ATP6V1C2: variants seen among roughly 807,000 people sequenced by gnomAD.
ATP6V1C2 encodes ATPase H+ transporting V1 subunit C2.
In ATP6V1C2, 45 loss-of-function variants were observed where a neutral mutation model predicts 56.8. The ratio of observed to expected loss-of-function variants is 0.79; its 90% CI spans 0.62 to 1.02. The LOEUF (loss-of-function observed/expected upper bound fraction) is 1.02. Ranked by LOEUF, ATP6V1C2 falls within the 50% of genes least tolerant of loss-of-function variation. ATP6V1C2 has a pLI of 0.00. For missense variants in ATP6V1C2, 463 were observed against 519.7 expected, an observed-to-expected ratio of 0.89 and a Z score of 1.06; for synonymous variants, 220 against 201.3, an observed-to-expected ratio of 1.09 and a Z score of -0.79.
chr2:10,761,713 T>G (rs1203055402), intron 4 of ATP6V1C2, among the ~76,000 whole-genome samples: 1 of 152,212 alleles, frequency 6.6e-6, no homozygotes, highest in African/African-American at 2.4e-5. Flanking sequence ...GGTGCCTGTA[T>G]GAGGACAGGG....
At chr2:10,774,125 G>T (rs1664805795) in intron 8 of ATP6V1C2, among the ~76,000 whole-genome samples, 1 of 152,258 alleles carries the variant, frequency 6.6e-6, no homozygotes, top group Non-Finnish European at 1.5e-5. Flanking sequence ...AGCCTGCACA[G>T]ATGACTCTGG....
intron 13 of ATP6V1C2, 78 bp from the exon 14 acceptor site, chr2:10,783,096 C>A: frequency 3.6e-6 from 4 of 1,123,446 alleles, no homozygotes; most frequent in Non-Finnish European, 5.4e-6. Context: ...CAGTGCCTGG[C>A]GAGCTTCCTC....
Position 10,726,584 on chromosome 2 carries a change from AT to A in ATP6V1C2, c.197+18del. On this transcript the variant is annotated intron_variant, in intron 3 of 13. Coordinates refer to ENST00000272238, the MANE Select transcript of ATP6V1C2 (RefSeq NM_001039362.2). Reference sequence around the variant, plus strand: ...TTTGCTGAAAGGTAAAATATTCCTTATTTACTACATACAAGTGAGAATTTGA... The same window carrying A: ...TTTGCTGAAAGGTAAAATATTCCTTATTACTACATACAAGTGAGAATTTGA... 2 of 1,597,988 alleles carry A rather than the reference AT, an allele frequency of 1.3e-6. No individual in the cohort carries two copies. Among genetic ancestry groups the A allele is most frequent in the Non-Finnish European group, 8.6e-7 (1 of 1,165,446 alleles).
chr2:10,737,518 T>C (rs559829173), intron 3 of ATP6V1C2, among the ~76,000 whole-genome samples: 1 of 152,320 alleles, frequency 6.6e-6, no homozygotes, highest in East Asian at 1.9e-4. Flanking sequence ...TTGCCTATTT[T>C]TCTAAGTGTT....
intron 3 of ATP6V1C2, among the ~76,000 whole-genome samples, chr2:10,743,619 G>T (rs1211308035): frequency 1.3e-5 from 2 of 151,526 alleles, no homozygotes; most frequent in African/African-American, 4.8e-5. Flanking sequence ...CAAGGCAGAA[G>T]GATGGCTTGA....
At chr2:10,777,164 C>T (rs1055165096) in intron 10 of ATP6V1C2, among the ~76,000 whole-genome samples, 6 of 152,220 alleles carry the variant, frequency 3.9e-5, no homozygotes, top group African/African-American at 1.4e-4. Context: ...ACTCTGCATG[C>T]CGAGGTGCCC....
chr2:10,746,616 C>T (rs919721205), intron 3 of ATP6V1C2, among the ~76,000 whole-genome samples: 2 of 152,036 alleles, frequency 1.3e-5, no homozygotes, highest in African/African-American at 4.8e-5. Context: ...TTCACCATGT[C>T]GACCAGGATG....
intron 4 of ATP6V1C2, among the ~76,000 whole-genome samples, chr2:10,755,892 T>C (rs1210306248): frequency 3.9e-5 from 6 of 152,252 alleles, no homozygotes; most frequent in Admixed American, 3.9e-4. Context: ...GACGAACCTT[T>C]AGATTCCAGT....
chr2:10,732,149 T>C (rs1217283059), intron 3 of ATP6V1C2, among the ~76,000 whole-genome samples: 1 of 152,186 alleles, frequency 6.6e-6, no homozygotes, highest in Non-Finnish European at 1.5e-5. Context: ...GGATTGTTAT[T>C]GTTTCCATTT....
intron 6 of ATP6V1C2, among the ~76,000 whole-genome samples, chr2:10,771,052 C>T (rs1664568862): frequency 6.6e-6 from 1 of 152,154 alleles, no homozygotes; most frequent in African/African-American, 2.4e-5. Context: ...GGAGAAGGAA[C>T]CTAAGGGCTT....
At position 10,722,931 on chromosome 2, in the gene ATP6V1C2, A is replaced by C. The variant is rs774227825; in HGVS notation, c.82A>C (p.Lys28Gln). 1.1e-5 allele frequency: 18 copies of C among 1,614,040 alleles called. No homozygotes were observed. Among genetic ancestry groups the C allele is most frequent in the Non-Finnish European group, 1.5e-5 (18 of 1,180,034 alleles). Residue 28 changes from lysine (K) to glutamine (Q), a missense_variant, in exon 2 of 14, where the codon AAG becomes CAG. Transcript: ENST00000272238. ...GGAGAGGATGAATACTGTAACCTCCAAGTCCAACCTGTCTTATAATACCAA... is the reference window on the plus strand; with the variant it reads ...GGAGAGGATGAATACTGTAACCTCCCAGTCCAACCTGTCTTATAATACCAA... ...ALERMNTVTS[K>Q]SNLSYNTKFA...
At chr2:10,767,286 G>A (rs1209321448) in intron 5 of ATP6V1C2, among the ~76,000 whole-genome samples, 1 of 148,560 alleles carries the variant, frequency 6.7e-6, no homozygotes, top group Non-Finnish European at 1.5e-5. Context: ...TCAGCCTCCC[G>A]AGTAGTTGGG....
In ATP6V1C2 at chr2:10,782,319, G is replaced by C; in HGVS notation, c.1138G>C (p.Val380Leu). 6.2e-7 allele frequency: 1 copy of C among 1,614,178 alleles called. No homozygotes were observed. Among genetic ancestry groups the C allele is most frequent in the South Asian group, 1.1e-5 (1 of 91,072 alleles). ...GTCATCCACCAAGCGTTTAAGAGAG[G>C]TTCTAAACTCTGTCTTCCGACATCT... The part of the protein sequence containing the change: ...KKSSTKRLRE[V>L]LNSVFRHLDE... The change falls in exon 13 of 14, where the codon GTT (valine) becomes CTT (leucine). Residue 380 changes from valine (V) to leucine (L), a missense_variant. Physicochemically the swap from Val to Leu is conservative, Grantham distance 32. Coordinates refer to ENST00000272238, the MANE Select transcript of ATP6V1C2 (RefSeq NM_001039362.2).
At chr2:10,779,328 A>G (rs1478488508) in intron 12 of ATP6V1C2, among the ~76,000 whole-genome samples, 1 of 143,690 alleles carries the variant, frequency 7.0e-6, no homozygotes, top group Non-Finnish European at 1.5e-5. Flanking sequence ...GATGGTCTTG[A>G]GCTCCTCCTA....
At chr2:10,764,256 G>A in intron 4 of ATP6V1C2, 75 bp from the exon 5 acceptor site, 6 of 1,326,204 alleles carry the variant, frequency 4.5e-6, no homozygotes, top group Non-Finnish European at 6.5e-6. Context: ...CTGATGCTTG[G>A]CTTGGGATTC....
At position 10,763,624 on chromosome 2, in the gene ATP6V1C2, G is replaced by A. The variant is rs537969711; in HGVS notation, c.284-707G>A. 2.0e-5 allele frequency among the ~76,000 whole-genome samples: 3 copies of A among 152,292 alleles called. No homozygotes were observed. Among genetic ancestry groups the A allele is most frequent in the Admixed American group, 6.5e-5 (1 of 15,306 alleles). ...CAGGAATTCCAGGGGCCACCGTGGC[G>A]CTGCAGCTTCCAGGGAATTTCCCGC... On this transcript the variant is annotated intron_variant, in intron 4 of 13. Transcript: ENST00000272238. The surrounding 1 kb of genome is among the most constrained non-coding windows in gnomAD (Gnocchi z 4.2).
chr2:10,750,896 G>A lies in ATP6V1C2; in HGVS notation c.198-3085G>A, dbSNP rs137945284. ...ATGACATTTTAGAACAGTGCTTGGC[G>A]CATAGTAGTTGTTAGTGCTTGGCGC... On this transcript the variant is annotated intron_variant, in intron 3 of 13. Transcript: ENST00000272238. Among the ~76,000 whole-genome samples the A allele has an allele frequency of 9.9e-5, 15 of 152,152 alleles. No individual in the cohort carries two copies. In the East Asian group the frequency reaches 2.1e-3, roughly 22 times the overall value.
chr2:10,723,022 G>GGGGAGACAGGAGA, intron 2 of ATP6V1C2, 44 bp downstream of exon 2: 3 of 1,609,152 alleles, frequency 1.9e-6, no homozygotes, highest in Non-Finnish European at 2.5e-6. Flanking sequence ...GATTGGTCAG[G>GGGGAGACAGGAGA]GGGAGACAGG....
Position 10,784,845 on chromosome 2 carries a change from G to T in ATP6V1C2, c.*1582G>T. The T allele has an allele frequency of 1.0e-6, 1 of 957,470 alleles. No individual in the cohort carries two copies. The highest frequency in any genetic ancestry group is 1.6e-6 in the Non-Finnish European group (1 of 612,904). 59.3% of individuals were successfully genotyped at this position (957,470 alleles called of 1,614,324 possible). On this transcript the variant is annotated 3_prime_UTR_variant, in exon 14 of 14. Transcript: ENST00000272238. ...GTGCACCAGGGCTGAGGTCTGATGG[G>T]AAGGACTTGACTCCAGGTGCAGAGA...
Sources: allele counts gnomAD v4.1 joint callset (sites outside exome capture counted in the v4.1 genomes callset), GRCh38; gene constraint gnomAD v4.1.1; non-coding constraint Gnocchi (gnomAD v3.1); transcripts MANE v1.5; gene names NCBI Gene and HGNC (gene_info 2026-07-23, HGNC 2026-07-21).